ROR1: variants seen among roughly 807,000 people sequenced by gnomAD.
ROR1 encodes the protein inactive tyrosine-protein kinase transmembrane receptor ROR1.
A neutral mutation model predicts 78.8 loss-of-function variants in ROR1; 19 were observed. The ratio of observed to expected loss-of-function variants is 0.24; its 90% CI spans 0.17 to 0.35. The LOEUF (loss-of-function observed/expected upper bound fraction) is 0.35, where lower values mean the gene tolerates loss of function less well. ROR1 is among the 10% of genes least tolerant of loss of function. ROR1 has a pLI of 1.00. For missense variants in ROR1, 917 were observed against 1,177.8 expected (o/e 0.78, Z 3.24); for synonymous variants, 386 against 433.6 (o/e 0.89, Z 1.36).
At chr1:63,849,701 A>T (rs1290494200) in intron 1 of ROR1, among the ~76,000 whole-genome samples, 1 of 152,200 alleles carries the variant, frequency 6.6e-6, no homozygotes, top group East Asian at 1.9e-4. Context: ...TGTCTCAAAA[A>T]AATAAATAAA....
chr1:64,097,829 G>A (rs947868356), intron 4 of ROR1, among the ~76,000 whole-genome samples: 1 of 152,102 alleles, frequency 6.6e-6, no homozygotes, highest in African/African-American at 2.4e-5. Context: ...AACCTCTGGA[G>A]GGTGAGCTGT....
At chr1:64,050,291 T>C (rs1299040140) in intron 3 of ROR1, among the ~76,000 whole-genome samples, 3 of 152,154 alleles carry the variant, frequency 2.0e-5, no homozygotes, top group Non-Finnish European at 4.4e-5. Flanking sequence ...GTCCAAGAAG[T>C]TGGAAATGTT....
chr1:63,958,670 G>A (rs530513609), intron 1 of ROR1, among the ~76,000 whole-genome samples: 1 of 152,206 alleles, frequency 6.6e-6, no homozygotes, highest in South Asian at 2.1e-4. Context: ...TCATATAGTG[G>A]ATCTATGAAA....
intron 7 of ROR1, among the ~76,000 whole-genome samples, chr1:64,155,349 CAG>C (rs778761824): frequency 2.6e-5 from 4 of 152,204 alleles, no homozygotes. Flanking sequence ...TGGCCAAATG[CAG>C]AGAGCTGTGT....
At chr1:63,811,324 G>C (rs1644858540) in intron 1 of ROR1, among the ~76,000 whole-genome samples, 1 of 152,184 alleles carries the variant, frequency 6.6e-6, no homozygotes, top group South Asian at 2.1e-4. Flanking sequence ...GACAGCCCCT[G>C]ATTGGAGAGG....
chr1:63,967,622 A>G (rs1286256899), intron 1 of ROR1, among the ~76,000 whole-genome samples: 2 of 152,182 alleles, frequency 1.3e-5, no homozygotes, highest in African/African-American at 4.8e-5. Context: ...AGTACCTGGC[A>G]TTTAGAAGAT....
intron 8 of ROR1, among the ~76,000 whole-genome samples, chr1:64,160,144 A>AT (rs1649897088): frequency 1.3e-5 from 2 of 152,084 alleles, no homozygotes; most frequent in Non-Finnish European, 2.9e-5. Context: ...TAACTGTATT[A>AT]TTCTTTTGAT....
intron 4 of ROR1, among the ~76,000 whole-genome samples, chr1:64,099,882 C>T (rs2100655385): frequency 6.6e-6 from 1 of 152,214 alleles, no homozygotes; most frequent in Admixed American, 6.5e-5. Flanking sequence ...GGTGAAAACC[C>T]ATCTCTACTA....
intron 1 of ROR1, among the ~76,000 whole-genome samples, chr1:63,778,529 T>C (rs543243148): frequency 6.6e-6 from 1 of 152,328 alleles, no homozygotes; most frequent in Admixed American, 6.5e-5. Flanking sequence ...CCAGGCAGGC[T>C]GTTAATTGGG....
chr1:64,164,683 A>C (rs1481227290), intron 8 of ROR1, among the ~76,000 whole-genome samples: 4 of 152,044 alleles, frequency 2.6e-5, no homozygotes, highest in Non-Finnish European at 5.9e-5. Context: ...TGTTGTACAG[A>C]TTATTTGATC....
chr1:63,858,257 TA>T (rs1330269097), intron 1 of ROR1, among the ~76,000 whole-genome samples: 1 of 152,204 alleles, frequency 6.6e-6, no homozygotes, highest in African/African-American at 2.4e-5. Flanking sequence ...TTTGCTTTTT[TA>T]TTCTTTTTTC....
intron 1 of ROR1, among the ~76,000 whole-genome samples, chr1:63,860,562 T>TACACAC (rs68153450): frequency 0.075 from 9,511 of 126,402 alleles, 399 homozygotes; most frequent in Middle Eastern, 0.12. Context: ...CTACTAAAAA[T>TACACAC]ACACACACAC....
At chr1:64,161,572 A>G (rs1179109911) in intron 8 of ROR1, among the ~76,000 whole-genome samples, 1 of 133,750 alleles carries the variant, frequency 7.5e-6, no homozygotes, top group East Asian at 2.3e-4. Context: ...CCCATCCTTC[A>G]TGGTCAGAGA....
chr1:64,119,837 T>C (rs758684921), intron 4 of ROR1, among the ~76,000 whole-genome samples: 4 of 152,246 alleles, frequency 2.6e-5, no homozygotes, highest in South Asian at 4.1e-4. Flanking sequence ...TAAGGCCACA[T>C]GGGTAAGAAA....
At chr1:64,016,749 A>ATATATATATATATATATATATATAT (rs1646524208) in intron 2 of ROR1, among the ~76,000 whole-genome samples, 1 of 149,136 alleles carries the variant, frequency 6.7e-6, no homozygotes, top group South Asian at 2.1e-4. Context: ...ATATATATAT[A>ATATATATATATATATATATATATAT]AAGATTTTAT....
chr1:64,034,387 A>G (rs1030953735), intron 2 of ROR1, among the ~76,000 whole-genome samples: 1 of 152,044 alleles, frequency 6.6e-6, no homozygotes, highest in Non-Finnish European at 1.5e-5. Flanking sequence ...TTATTTCAGA[A>G]TTTTTGTTTC....
Position 63,937,886 on chromosome 1 carries a change from G to A in ROR1, c.92-71419G>A, listed in dbSNP as rs182852598. 3.3e-4 allele frequency among the ~76,000 whole-genome samples: 51 copies of A among 152,280 alleles called. 1 individual carries two copies. The East Asian group carries it at 8.5e-3, about 25-fold the overall frequency. On this transcript the variant is annotated intron_variant, in intron 1 of 8. Coordinates refer to ENST00000371079, the MANE Select transcript of ROR1 (RefSeq NM_005012.4). Reference sequence around the variant, plus strand: ...TATATTTCCTGTTGCTGTAGAGCCCGTGTAGACAGGCATTTAGACTTGATC... The same window carrying A: ...TATATTTCCTGTTGCTGTAGAGCCCATGTAGACAGGCATTTAGACTTGATC...
At chr1:63,938,542 T>G (rs1336730665) in intron 1 of ROR1, among the ~76,000 whole-genome samples, 1 of 152,150 alleles carries the variant, frequency 6.6e-6, no homozygotes, top group East Asian at 1.9e-4. Context: ...TGCTCCCCAC[T>G]GTATTCCCAG....
chr1:63,950,963 C>T (rs530317413), intron 1 of ROR1, among the ~76,000 whole-genome samples: 1 of 152,286 alleles, frequency 6.6e-6, no homozygotes, highest in South Asian at 2.1e-4. Flanking sequence ...AAACCTTCAT[C>T]GAACAATACT....
Sources: allele counts gnomAD v4.1 joint callset (sites outside exome capture counted in the v4.1 genomes callset), GRCh38; gene constraint gnomAD v4.1.1; transcripts MANE v1.5; gene names NCBI Gene and HGNC (gene_info 2026-07-23, HGNC 2026-07-21).